HELQ: variants seen among roughly 807,000 people sequenced by gnomAD.
HELQ encodes helicase, POLQ like, also known as helicase POLQ-like.
In HELQ, 77 loss-of-function variants were observed where a neutral mutation model predicts 111.6. That is an observed-to-expected ratio of 0.69 (90% CI 0.57 to 0.83). HELQ has a LOEUF of 0.83. HELQ is among the 40% of genes least tolerant of loss of function. The probability of loss-of-function intolerance (pLI) is 0.00; values close to 1 mark genes in which losing one functional copy is unlikely to be tolerated. For synonymous variants in HELQ, 438 were observed against 454.7 expected, an observed-to-expected ratio of 0.96 and a Z score of 0.47; for missense variants, 1,200 against 1,288.5, an observed-to-expected ratio of 0.93 and a Z score of 1.05.
At chr4:83,437,540 G>A (rs960861768) in intron 8 of HELQ, among the ~76,000 whole-genome samples, 5 of 150,948 alleles carry the variant, frequency 3.3e-5, no homozygotes, top group African/African-American at 4.9e-5. Context: ...GCTTGAACCC[G>A]GGAGTTTGAG....
intron 17 of HELQ, among the ~76,000 whole-genome samples, chr4:83,409,564 A>G (rs2109957173): frequency 6.6e-6 from 1 of 150,802 alleles, no homozygotes; most frequent in South Asian, 2.1e-4. Flanking sequence ...AAAAAAAAAA[A>G]GAGAAAAGAA....
At chr4:83,413,450 T>C (rs1739208999) in intron 17 of HELQ, among the ~76,000 whole-genome samples, 1 of 152,186 alleles carries the variant, frequency 6.6e-6, no homozygotes, top group African/African-American at 2.4e-5. Context: ...ACTTTGAGTT[T>C]TTCCTAATAG....
intron 12 of HELQ, among the ~76,000 whole-genome samples, chr4:83,429,276 A>G (rs1323075196): frequency 6.6e-6 from 1 of 152,034 alleles, no homozygotes; most frequent in African/African-American, 2.4e-5. Flanking sequence ...CCTCCCGAGT[A>G]GCTGGGACTA....
At chr4:83,419,691 TACAAAACA>T (rs1739560392) in intron 15 of HELQ, among the ~76,000 whole-genome samples, 1 of 151,808 alleles carries the variant, frequency 6.6e-6, no homozygotes, top group Non-Finnish European at 1.5e-5. Flanking sequence ...TCTTTAAATA[TACAAAACA>T]ACAAATATAG....
chr4:83,415,611 T>G (rs1355710316), intron 17 of HELQ, among the ~76,000 whole-genome samples: 7 of 151,882 alleles, frequency 4.6e-5, no homozygotes, highest in South Asian at 2.1e-4. Context: ...GGGTTCTTTA[T>G]ACTTCAATGA....
chr4:83,440,361 CA>C (rs1720699281), intron 7 of HELQ, among the ~76,000 whole-genome samples: 1 of 152,134 alleles, frequency 6.6e-6, no homozygotes, highest in Admixed American at 6.6e-5. Context: ...CAGAGAGAAA[CA>C]CAGATTGATC....
intron 13 of HELQ, among the ~76,000 whole-genome samples, chr4:83,426,572 G>GT (rs769458072): frequency 0.33 from 48,108 of 145,558 alleles, 9,216 homozygotes; most frequent in Admixed American, 0.44. Context: ...TTCTGTTTTT[G>GT]TTTTTTTTTT....
chr4:83,408,769 G>GA (rs111664231), intron 17 of HELQ, among the ~76,000 whole-genome samples: 156 of 141,588 alleles, frequency 1.1e-3, no homozygotes, highest in African/African-American at 2.4e-3. Flanking sequence ...ATGGGGTTGA[G>GA]AAAAAAAAAA....
intron 9 of HELQ, among the ~76,000 whole-genome samples, chr4:83,435,756 T>C (rs1351040544): frequency 6.6e-6 from 1 of 152,126 alleles, no homozygotes; most frequent in Non-Finnish European, 1.5e-5. Flanking sequence ...ACTAAGGACA[T>C]GCTAAGCCTC....
Position 83,420,717 on chromosome 4 carries a change from G to A in HELQ, c.2949+846C>T, listed in dbSNP as rs188985558. Reference sequence around the variant, plus strand: ...GGAGAATTGCATGAACTCGGGAGGCGGGGGTTGCAGTTAGCTAAGATTGCG... The same window carrying A: ...GGAGAATTGCATGAACTCGGGAGGCAGGGGTTGCAGTTAGCTAAGATTGCG... On this transcript the variant is annotated intron_variant, in intron 15 of 17. Coordinates refer to ENST00000295488, the MANE Select transcript of HELQ (RefSeq NM_133636.5). Among the ~76,000 whole-genome samples, 968 of 152,136 alleles carry A rather than the reference G, an allele frequency of 6.4e-3. 6 individuals are homozygous for A. The highest frequency in any genetic ancestry group is 0.022 in the African/African-American group (921 of 41,516).
chr4:83,421,349 AG>A (rs1194323589), intron 15 of HELQ, among the ~76,000 whole-genome samples: 1 of 152,208 alleles, frequency 6.6e-6, no homozygotes, highest in African/African-American at 2.4e-5. Flanking sequence ...TAGTTGACTC[AG>A]GAATTTTTGT....
In HELQ at chr4:83,455,700, G is replaced by C. The variant is rs776112499; in HGVS notation, c.-7C>G. On this transcript the variant is annotated 5_prime_UTR_variant, in exon 1 of 18. Transcript: ENST00000295488. ...GGGAACCACATTCATCCATGGCAAGGACCCAGGGCCCTATTCAGACGTCGT... is the reference window on the plus strand; with the variant it reads ...GGGAACCACATTCATCCATGGCAAGCACCCAGGGCCCTATTCAGACGTCGT... The C allele has an allele frequency of 1.4e-5, 23 of 1,601,188 alleles. No homozygotes were observed. Among genetic ancestry groups the C allele is most frequent in the Non-Finnish European group, 1.9e-5 (22 of 1,179,252 alleles).
chr4:83,448,605 G>A (rs1721176837), intron 3 of HELQ, among the ~76,000 whole-genome samples, 178 bp downstream of exon 3: 1 of 151,542 alleles, frequency 6.6e-6, no homozygotes, highest in Non-Finnish European at 1.5e-5. Context: ...GGGAGGCGGA[G>A]GTTGCAGTGA....
rs769144843 is a variant in HELQ, at chr4:83,455,732, T to C, written c.-39A>G. On this transcript the variant is annotated 5_prime_UTR_variant, in exon 1 of 18. Transcript: ENST00000295488. ...GGCCCTATTCAGACGTCGTTCTCAGTGACCCAGACGCTAAGCCCATATGGA... is the reference window on the plus strand; with the variant it reads ...GGCCCTATTCAGACGTCGTTCTCAGCGACCCAGACGCTAAGCCCATATGGA... 10 of 1,572,380 alleles carry C rather than the reference T, an allele frequency of 6.4e-6. No individual in the cohort carries two copies. The South Asian group carries it at 1.1e-4, about 18-fold the overall frequency.
intron 1 of HELQ, among the ~76,000 whole-genome samples, chr4:83,454,281 T>C (rs1332915652): frequency 6.6e-6 from 1 of 152,154 alleles, no homozygotes; most frequent in Admixed American, 6.5e-5. Flanking sequence ...TATAATTATA[T>C]GGTCACATAT....
At chr4:83,409,710 G>A (rs556322554) in intron 17 of HELQ, among the ~76,000 whole-genome samples, 1 of 152,166 alleles carries the variant, frequency 6.6e-6, no homozygotes, top group South Asian at 2.1e-4. Context: ...ATATGAGGAG[G>A]AGTAGAAATG....
chr4:83,432,190 C>T lies in HELQ; in HGVS notation c.2126G>A (p.Gly709Asp). ...NQYKQMIGRA[G>D]RAGIDTIGES... Reference sequence around the variant, plus strand: ...CCCAATAGTATCTATTCCAGCACGACCAGCTCTGCCAATCATCTGTTTATA... The same window carrying T: ...CCCAATAGTATCTATTCCAGCACGATCAGCTCTGCCAATCATCTGTTTATA... The change falls in exon 10 of 18, where the codon GGT (glycine) becomes GAT (aspartate). Residue 709 changes from glycine (G) to aspartate (D), a missense_variant. By Grantham distance (94) the Gly-to-Asp change is moderately conservative. Around this residue, in one of 3 missense-constraint regions of HELQ, gnomAD observed 585 missense variants for 665.3 expected, o/e 0.88. Transcript: ENST00000295488. 6.2e-7 allele frequency: 1 copy of T among 1,602,338 alleles called. No individual in the cohort carries two copies. The highest frequency in any genetic ancestry group is 1.7e-5 in the Admixed American group (1 of 58,766).
At chr4:83,419,090 C>A (rs1389327335) in intron 15 of HELQ, among the ~76,000 whole-genome samples, 1 of 149,410 alleles carries the variant, frequency 6.7e-6, no homozygotes, top group Admixed American at 6.6e-5. Flanking sequence ...GGCCCACAGG[C>A]CACATGCGGC....
intron 17 of HELQ, among the ~76,000 whole-genome samples, chr4:83,415,212 G>T (rs1739298270): frequency 6.6e-6 from 1 of 152,206 alleles, no homozygotes; most frequent in Admixed American, 6.5e-5. Flanking sequence ...GGCAAACTGG[G>T]TTGCATCTAG....
Sources: gnomAD v4.1 joint callset for allele counts (sites outside exome capture counted in the v4.1 genomes callset) on GRCh38, gnomAD v4.1.1 for gene constraint, gnomAD v4.1.1 regional missense constraint, MANE v1.5 for transcripts, NCBI Gene and HGNC (gene_info 2026-07-23, HGNC 2026-07-21) for gene names.